ODAD2: variants seen among roughly 807,000 people sequenced by gnomAD.
The protein encoded by ODAD2 is outer dynein arm-docking complex subunit 2.
In ODAD2, 89 loss-of-function variants were observed where a neutral mutation model predicts 106.8. The ratio of observed to expected loss-of-function variants is 0.83; its 90% CI spans 0.70 to 0.99. ODAD2 has a LOEUF of 0.99. Ranked by LOEUF, ODAD2 falls within the 50% of genes least tolerant of loss-of-function variation. The probability of loss-of-function intolerance (pLI) is 0.00; values close to 1 mark genes in which losing one functional copy is unlikely to be tolerated. For missense variants in ODAD2, 1,168 were observed against 1,238.5 expected, an observed-to-expected ratio of 0.94 and a Z score of 0.85; for synonymous variants, 404 against 436.2, an observed-to-expected ratio of 0.93 and a Z score of 0.92.
intron 10 of ODAD2, among the ~76,000 whole-genome samples, 153 bp downstream of exon 10, chr10:27,961,415 A>T (rs1848131625): frequency 6.6e-6 from 1 of 152,176 alleles, no homozygotes; most frequent in Non-Finnish European, 1.5e-5. Context: ...CAGGGTAATA[A>T]GACCTTGCCC....
intron 12 of ODAD2, 144 bp downstream of exon 12, chr10:27,944,078 T>G: frequency 1.5e-6 from 1 of 681,996 alleles, no homozygotes; most frequent in Non-Finnish European, 2.5e-6. Flanking sequence ...AAAATAATTC[T>G]TAAGGGCAAG....
rs138207271 is a variant in ODAD2, at chr10:27,836,976, T to A, written c.3021+23649A>T. Among the ~76,000 whole-genome samples the A allele has an allele frequency of 2.0e-3, 306 of 152,294 alleles. 1 individual carries two copies. The highest frequency in any genetic ancestry group is 7.0e-3 in the African/African-American group (292 of 41,556). On this transcript the variant is annotated intron_variant, in intron 19 of 19. Coordinates refer to ENST00000305242, the MANE Select transcript of ODAD2 (RefSeq NM_018076.5). ...ATTTTCCCTGGCTTTGCAGGGAATG[T>A]CGCTTAAGTCAGGCTCTTGAGTTGC...
chr10:27,871,899 A>G (rs1368982548), intron 17 of ODAD2, among the ~76,000 whole-genome samples: 1 of 152,146 alleles, frequency 6.6e-6, no homozygotes, highest in Non-Finnish European at 1.5e-5. Flanking sequence ...GAAGAAAGTC[A>G]TTGGTAGTTT....
chr10:27,993,534 G>A (rs546787603), intron 2 of ODAD2, among the ~76,000 whole-genome samples: 4 of 151,672 alleles, frequency 2.6e-5, no homozygotes, highest in Non-Finnish European at 4.4e-5. Flanking sequence ...CCTATATTCC[G>A]AGCTACTTAG....
At chr10:27,840,433 T>A (rs1304428714) in intron 19 of ODAD2, among the ~76,000 whole-genome samples, 1 of 152,232 alleles carries the variant, frequency 6.6e-6, no homozygotes, top group Non-Finnish European at 1.5e-5. Flanking sequence ...ATGAACGCCC[T>A]TGACTGCCTT....
intron 12 of ODAD2, 29 bp from the exon 13 acceptor site, chr10:27,940,834 T>C (rs375807618): frequency 5.0e-6 from 8 of 1,598,532 alleles, no homozygotes; most frequent in Admixed American, 1.7e-5. Flanking sequence ...CCAATGTTCA[T>C]GGAAATCTTA....
Position 27,952,671 on chromosome 10 carries a change from C to T in ODAD2, c.1387-7709G>A, listed in dbSNP as rs888610335. 4.4e-4 allele frequency among the ~76,000 whole-genome samples: 67 copies of T among 152,096 alleles called. 1 individual carries two copies. Among genetic ancestry groups the T allele is most frequent in the Admixed American group, 3.9e-3 (60 of 15,250 alleles). On this transcript the variant is annotated intron_variant, in intron 10 of 19. Transcript: ENST00000305242. ...TAAAAGTCTATCAATGCCTAGACTC[C>T]GGCCTGAACCAATTCAATCAAAACT...
At chr10:27,820,691 C>T (rs1297925756) in intron 19 of ODAD2, among the ~76,000 whole-genome samples, 1 of 151,566 alleles carries the variant, frequency 6.6e-6, no homozygotes, top group Non-Finnish European at 1.5e-5. Flanking sequence ...TTAAGTTTCT[C>T]ACATTAACCA....
At chr10:27,853,562 G>C (rs1318584561) in intron 19 of ODAD2, among the ~76,000 whole-genome samples, 1 of 151,904 alleles carries the variant, frequency 6.6e-6, no homozygotes, top group African/African-American at 2.4e-5. Flanking sequence ...TCAAAACAAA[G>C]AATATGACCA....
chr10:27,964,941 G>A (rs1289256058), intron 9 of ODAD2, among the ~76,000 whole-genome samples: 1 of 152,180 alleles, frequency 6.6e-6, no homozygotes, highest in Non-Finnish European at 1.5e-5. Context: ...AATGACTTCA[G>A]TCTAGGTTAA....
At chr10:27,837,221 C>T (rs1001503344) in intron 19 of ODAD2, among the ~76,000 whole-genome samples, 7 of 152,212 alleles carry the variant, frequency 4.6e-5, no homozygotes, top group East Asian at 1.9e-4. Context: ...CACATGGTCC[C>T]GTACTGGTCA....
intron 7 of ODAD2, among the ~76,000 whole-genome samples, chr10:27,977,420 A>C (rs897882221): frequency 5.5e-5 from 8 of 145,584 alleles, no homozygotes; most frequent in African/African-American, 2.0e-4. Flanking sequence ...AAAAAAAATT[A>C]GCCAGGCGCG....
At chr10:27,902,388 C>A (rs1843277021) in intron 17 of ODAD2, among the ~76,000 whole-genome samples, 1 of 152,010 alleles carries the variant, frequency 6.6e-6, no homozygotes, top group South Asian at 2.1e-4. Flanking sequence ...ATTATAAGAA[C>A]TAGATAAGCA....
At chr10:27,934,880 T>C in intron 16 of ODAD2, 130 bp downstream of exon 16, 1 of 1,201,188 alleles carries the variant, frequency 8.3e-7, no homozygotes, top group Non-Finnish European at 1.2e-6. Context: ...AACTTGTGAT[T>C]ATTTATATGA....
chr10:27,860,920 G>T, intron 18 of ODAD2, 74 bp from the exon 19 acceptor site: 1 of 1,303,548 alleles, frequency 7.7e-7, no homozygotes, highest in South Asian at 1.2e-5. Flanking sequence ...AGCACTTTAT[G>T]TTTATTAACC....
chr10:27,847,675 A>G (rs1838884855), intron 19 of ODAD2, among the ~76,000 whole-genome samples: 1 of 152,116 alleles, frequency 6.6e-6, no homozygotes, highest in African/African-American at 2.4e-5. Context: ...AGAAAGCCCC[A>G]GGTCTCAGCC....
intron 19 of ODAD2, among the ~76,000 whole-genome samples, chr10:27,827,119 T>C (rs1272556521): frequency 6.6e-6 from 1 of 152,182 alleles, no homozygotes; most frequent in East Asian, 1.9e-4. Flanking sequence ...TCTCTTGACT[T>C]TGTGAAAATA....
chr10:27,860,806 G>A lies in ODAD2; in HGVS notation c.2840C>T (p.Ser947Leu). 1.2e-6 allele frequency: 2 copies of A among 1,614,174 alleles called. No homozygotes were observed. The highest frequency in any genetic ancestry group is 1.7e-6 in the Non-Finnish European group (2 of 1,180,014). Residue 947 changes from serine to leucine, a missense_variant, in exon 19 of 20, where the codon TCA becomes TTA. Ser to Leu is a moderately radical substitution (Grantham distance 145). Transcript: ENST00000305242. The stretch of plus-strand genomic sequence containing the variant: ...ATTCCTGCCCCACATACAGCAACGT[G>A]AAATAGCTTCTGCTAGATGATGTCT... ...KLRHHLAEAI[S>L]RCCMWGRNRV... is the part of the protein sequence containing the mutation.
At chr10:27,857,556 T>C (rs1839746567) in intron 19 of ODAD2, among the ~76,000 whole-genome samples, 1 of 152,256 alleles carries the variant, frequency 6.6e-6, no homozygotes. Context: ...CTAGAAAATT[T>C]AATATTACAT....
Sources: allele counts gnomAD v4.1 joint callset (sites outside exome capture counted in the v4.1 genomes callset), GRCh38; gene constraint gnomAD v4.1.1; transcripts MANE v1.5; gene names NCBI Gene and HGNC (gene_info 2026-07-23, HGNC 2026-07-21).